The following FAM167A variants were observed in gnomAD, a reference collection of about 807,000 sequenced individuals.
FAM167A encodes the protein family with sequence similarity 167 member A.
A neutral mutation model predicts 14.9 loss-of-function variants in FAM167A; 23 were observed. The ratio of observed to expected loss-of-function variants is 1.55; its 90% CI spans 1.11 to 2.19. The LOEUF (loss-of-function observed/expected upper bound fraction) is 2.19, where lower values mean the gene tolerates loss of function less well. FAM167A is among the 30% of genes most tolerant of loss of function. FAM167A has a pLI of 0.00. For missense variants in FAM167A, 401 were observed against 281.5 expected, an observed-to-expected ratio of 1.42 and a Z score of -3.04; for synonymous variants, 174 against 117.7, an observed-to-expected ratio of 1.48 and a Z score of -3.10.
intron 2 of FAM167A, among the ~76,000 whole-genome samples, chr8:11,430,277 T>C (rs1256900511): frequency 1.3e-5 from 2 of 152,232 alleles, no homozygotes; most frequent in Non-Finnish European, 2.9e-5. Context: ...GGTCGGGGGC[T>C]GTCCAAGCAC....
intron 2 of FAM167A, chr8:11,433,983 G>T (rs913276897): frequency 2.0e-5 from 3 of 152,190 alleles, no homozygotes; most frequent in Admixed American, 6.5e-5. Flanking sequence ...GGGTAAAATT[G>T]TATTACATGA....
rs953532792 is a variant in FAM167A at position 11,444,618 on chromosome 8, G to A, written c.-207C>T. The A allele has an allele frequency of 3.6e-6, 5 of 1,372,796 alleles. No homozygotes were observed. The highest frequency in any genetic ancestry group is 2.8e-5 in the East Asian group (1 of 35,554). The allele number at this position is 1,372,796 out of a possible 1,614,324, so 85.0% of individuals were successfully genotyped here. On this transcript the variant is annotated 5_prime_UTR_variant, in exon 2 of 3. Coordinates refer to ENST00000284486, the MANE Select transcript of FAM167A (RefSeq NM_053279.3). ...AGCCGCACAGGGCGCCCTCCTGGAG[G>A]CTCGGGTCTATGATCCGTCCTGGAA...
In FAM167A at chr8:11,444,033, GT is replaced by G; in HGVS notation, c.378del (p.Glu126AspfsTer2). 3.1e-6 allele frequency: 5 copies of G among 1,610,988 alleles called. No individual in the cohort carries two copies. Among genetic ancestry groups the G allele is most frequent in the Non-Finnish European group, 3.4e-6 (4 of 1,178,496 alleles). ...GATTCTTGGGGGCAGCCACTCACCAGTTCCTTCCTGAGCCAGGCTATAGCTT... is the reference window on the plus strand; with the variant it reads ...GATTCTTGGGGGCAGCCACTCACCAGTCCTTCCTGAGCCAGGCTATAGCTT... ...IDEAIAWLRKELTEMRLQDQQ... is the reference protein window; with the variant it reads ...IDEAIAWLRKXLTEMRLQDQQ... On this transcript the variant is annotated frameshift_variant, in exon 2 of 3. Coordinates refer to ENST00000284486, the MANE Select transcript of FAM167A (RefSeq NM_053279.3). LOFTEE classifies it high-confidence loss of function.
At chr8:11,451,174 C>G (rs538891416) in intron 1 of FAM167A, among the ~76,000 whole-genome samples, 1 of 152,304 alleles carries the variant, frequency 6.6e-6, no homozygotes, top group Admixed American at 6.5e-5. Flanking sequence ...CAGAGGCCAG[C>G]CTTGCTCTGA....
intron 1 of FAM167A, among the ~76,000 whole-genome samples, chr8:11,466,150 C>T (rs1807756176): frequency 6.6e-6 from 1 of 152,118 alleles, no homozygotes; most frequent in South Asian, 2.1e-4. Flanking sequence ...CCTTAGAGCA[C>T]CCTTGGGTCC....
intron 2 of FAM167A, among the ~76,000 whole-genome samples, chr8:11,425,245 A>G (rs1239306082): frequency 6.6e-6 from 1 of 152,216 alleles, no homozygotes; most frequent in Admixed American, 6.5e-5. Flanking sequence ...AACATGCAAC[A>G]GTTAACCGTC....
In FAM167A at chr8:11,421,681, T is replaced by C. The variant is rs968052825; in HGVS notation, c.*2692A>G. On this transcript the variant is annotated 3_prime_UTR_variant, in exon 3 of 3. Coordinates refer to ENST00000284486, the MANE Select transcript of FAM167A (RefSeq NM_053279.3). ...AGGCCCTCCAGGCCTCTTTGATAGC[T>C]ACTGAGCCCCTGAAGGCATCAAGAC... is the stretch of plus-strand genomic sequence containing the variant. 5.0e-6 allele frequency: 2 copies of C among 398,878 alleles called. No homozygotes were observed. The highest frequency in any genetic ancestry group is 4.1e-5 in the African/African-American group (2 of 48,620). The allele number at this position is 398,878 out of a possible 1,614,324, so 24.7% of individuals were successfully genotyped here.
intron 1 of FAM167A, chr8:11,474,589 G>C (rs556101029): frequency 2.0e-5 from 3 of 152,220 alleles, no homozygotes; most frequent in Non-Finnish European, 4.4e-5. Flanking sequence ...ATCAATACAG[G>C]CACCCAGAGA....
intron 2 of FAM167A, among the ~76,000 whole-genome samples, chr8:11,436,438 C>A (rs762358447): frequency 6.6e-6 from 1 of 152,208 alleles, no homozygotes; most frequent in Admixed American, 6.5e-5. Flanking sequence ...GGGCCCCCGG[C>A]AAGACCTGCA....
intron 2 of FAM167A, among the ~76,000 whole-genome samples, chr8:11,434,520 A>T (rs1805859071): frequency 6.6e-6 from 1 of 152,178 alleles, no homozygotes; most frequent in Non-Finnish European, 1.5e-5. Context: ...CGACAGCCCC[A>T]GAGCCAGGCA....
intron 2 of FAM167A, among the ~76,000 whole-genome samples, chr8:11,440,001 T>C (rs1806333423): frequency 6.6e-6 from 1 of 152,150 alleles, no homozygotes; most frequent in Non-Finnish European, 1.5e-5. Context: ...GATCATGCTC[T>C]TCCTAGCTCC....
rs777048119 is a variant in FAM167A, at chr8:11,447,189, C to CTTTT, written c.-397-2385_-397-2382dup. ...TCAATTATTGGTTTCTTTTCTTTTT[C>CTTTT]TTTTTTTTGAGACGGAGTTTTCACT... is the stretch of plus-strand genomic sequence containing the variant. On this transcript the variant is annotated intron_variant, in intron 1 of 2. Transcript: ENST00000284486. 1.8e-3 allele frequency among the ~76,000 whole-genome samples: 271 copies of CTTTT among 147,938 alleles called. 3 individuals carry two copies. The highest frequency in any genetic ancestry group is 0.014 in the Middle Eastern group (4 of 288).
At chr8:11,467,294 TC>T (rs1001689128), upstream of FAM167A, among the ~76,000 whole-genome samples, 28 of 152,376 alleles carry the variant, frequency 1.8e-4, no homozygotes, top group Admixed American at 1.6e-3. Flanking sequence ...AGGGTGTCTG[TC>T]CCGCCAGGGG....
intron 2 of FAM167A, among the ~76,000 whole-genome samples, chr8:11,434,510 C>A (rs539498937): frequency 3.9e-5 from 6 of 152,130 alleles, no homozygotes; most frequent in Non-Finnish European, 7.4e-5. Flanking sequence ...GAGGGAGAGA[C>A]GACAGCCCCA....
At chr8:11,467,013 C>A (rs1311868786), upstream of FAM167A, among the ~76,000 whole-genome samples, 1 of 152,224 alleles carries the variant, frequency 6.6e-6, no homozygotes, top group East Asian at 1.9e-4. Flanking sequence ...TCTCATTAAA[C>A]CCGAAACCAA....
At chr8:11,425,564 C>T (rs1233994110) in intron 2 of FAM167A, among the ~76,000 whole-genome samples, 1 of 152,078 alleles carries the variant, frequency 6.6e-6, no homozygotes, top group Non-Finnish European at 1.5e-5. Flanking sequence ...CCTAAGCCCC[C>T]CAACTGACTG....
chr8:11,429,429 C>G (rs923255204), intron 2 of FAM167A, among the ~76,000 whole-genome samples: 2 of 152,230 alleles, frequency 1.3e-5, no homozygotes, highest in Non-Finnish European at 2.9e-5. Flanking sequence ...ACTGGAGTGC[C>G]TCCTCCTGTT....
At chr8:11,456,987 G>GA (rs1807346059) in intron 1 of FAM167A, among the ~76,000 whole-genome samples, 1 of 37,006 alleles carries the variant, frequency 2.7e-5, no homozygotes, top group African/African-American at 8.5e-5. Context: ...TAGGGATGTA[G>GA]GTGGGGCTGG....
chr8:11,442,116 G>C (rs1369221056), intron 2 of FAM167A, among the ~76,000 whole-genome samples: 1 of 152,104 alleles, frequency 6.6e-6, no homozygotes, highest in African/African-American at 2.4e-5. Context: ...TCTGCTGTTG[G>C]CCTATGGAGC....
Sources: allele counts gnomAD v4.1 joint callset (sites outside exome capture counted in the v4.1 genomes callset), GRCh38; gene constraint gnomAD v4.1.1; transcripts MANE v1.5; gene names NCBI Gene and HGNC (gene_info 2026-07-23, HGNC 2026-07-21).